The following SCN10A variants were observed in gnomAD, a reference collection of about 807,000 sequenced individuals.
The protein encoded by SCN10A is sodium voltage-gated channel alpha subunit 10, also known as sodium channel protein type 10 subunit alpha.
A neutral mutation model predicts 170.7 loss-of-function variants in SCN10A; 162 were observed. The ratio of observed to expected loss-of-function variants is 0.95; its 90% confidence interval spans 0.84 to 1.08. The LOEUF (loss-of-function observed/expected upper bound fraction) is 1.08. SCN10A is among the 50% of genes least tolerant of loss of function. The pLI is 0.00. For synonymous variants in SCN10A, 985 were observed against 904.6 expected, an observed-to-expected ratio of 1.09 and a Z score of -1.59; for missense variants, 2,527 against 2,436.9, an observed-to-expected ratio of 1.04 and a Z score of -0.78.
intron 12 of SCN10A, 73 bp downstream of exon 12, chr3:38,752,146 T>A: frequency 1.5e-6 from 2 of 1,341,610 alleles, no homozygotes; most frequent in Non-Finnish European, 2.0e-6. Context: ...CCATTGGTGA[T>A]ACTCAGGCTT....
chr3:38,758,616 C>T (rs2063835207), intron 8 of SCN10A, among the ~76,000 whole-genome samples: 1 of 152,220 alleles, frequency 6.6e-6, no homozygotes, highest in Non-Finnish European at 1.5e-5. Flanking sequence ...CCCACAGTGC[C>T]ATTGGCCAAT....
chr3:38,703,025 C>G (rs1575924578), intron 26 of SCN10A, among the ~76,000 whole-genome samples: 1 of 152,244 alleles, frequency 6.6e-6, no homozygotes, highest in East Asian at 1.9e-4. Context: ...ACATATCTCC[C>G]CCTATTCAAA....
chr3:38,781,763 A>G (rs2064141987), intron 4 of SCN10A, among the ~76,000 whole-genome samples: 2 of 152,092 alleles, frequency 1.3e-5, no homozygotes, highest in Admixed American at 6.6e-5. Flanking sequence ...CCTAGTTATA[A>G]TGATTTAATA....
rs1483080379 is a variant in SCN10A at position 38,752,357 on chromosome 3, C to G, written c.1617G>C (p.Leu539=). The G allele has an allele frequency of 6.2e-7, 1 of 1,613,896 alleles. No homozygotes were observed. Among genetic ancestry groups the G allele is most frequent in the African/African-American group, 1.3e-5 (1 of 75,044 alleles). ...GGCCTTGCTGGCCAGCACCCCCACC[C>G]AGCAGCAGAGAGCCCCGATGGCTTT... ...DHESHRGSLL[L]GGGAGQQGPL... The change falls in exon 12 of 28, where the codon CTG becomes CTC. Residue 539 remains leucine (L), a synonymous_variant. Coordinates refer to ENST00000449082, the MANE Select transcript of SCN10A (RefSeq NM_006514.4).
chr3:38,793,712 G>C (rs915898509), intron 2 of SCN10A, 29 bp downstream of exon 2: 8 of 1,600,602 alleles, frequency 5.0e-6, no homozygotes, highest in Non-Finnish European at 6.0e-6. Flanking sequence ...CAAGAGCTGA[G>C]AGCAGACATT....
chr3:38,782,046 G>T (rs1411339759), intron 4 of SCN10A, among the ~76,000 whole-genome samples: 2 of 151,864 alleles, frequency 1.3e-5, no homozygotes, highest in East Asian at 3.9e-4. Flanking sequence ...ATTTCCATTT[G>T]GTGATTCCTT....
chr3:38,814,895 A>C (rs1172406252), intron 1 of SCN10A, among the ~76,000 whole-genome samples: 1 of 152,252 alleles, frequency 6.6e-6, no homozygotes, highest in Non-Finnish European at 1.5e-5. Context: ...ATGTGGCTAG[A>C]AAGCCCAACC....
chr3:38,752,044 A>ATC (rs150686487), intron 12 of SCN10A, among the ~76,000 whole-genome samples, 175 bp downstream of exon 12: 4 of 151,300 alleles, frequency 2.6e-5, no homozygotes, highest in South Asian at 2.1e-4. Flanking sequence ...GGCCAACTCA[A>ATC]TCTCTCTCTC....
intron 4 of SCN10A, among the ~76,000 whole-genome samples, chr3:38,786,387 C>T (rs991506862): frequency 6.6e-6 from 1 of 151,956 alleles, no homozygotes; most frequent in African/African-American, 2.4e-5. Flanking sequence ...AACAGAAAAC[C>T]AAACACCGCA....
chr3:38,768,081 T>A (rs2063953274), intron 5 of SCN10A, among the ~76,000 whole-genome samples: 1 of 152,156 alleles, frequency 6.6e-6, no homozygotes, highest in African/African-American at 2.4e-5. Context: ...TGGTTTCCAT[T>A]TGCATGGAAT....
At chr3:38,741,484 A>G (rs1575985998) in intron 14 of SCN10A, among the ~76,000 whole-genome samples, 1 of 152,212 alleles carries the variant, frequency 6.6e-6, no homozygotes, top group Non-Finnish European at 1.5e-5. Context: ...GGGAAAGGGA[A>G]TAACAAGAGT....
chr3:38,813,401 G>A (rs72869633), intron 1 of SCN10A, among the ~76,000 whole-genome samples: 3,672 of 152,192 alleles, frequency 0.024, 114 homozygotes, highest in African/African-American at 0.079. Flanking sequence ...GAAACTCCGC[G>A]TCTCAGTTTC....
At chr3:38,798,534 T>C (rs993659799) in intron 1 of SCN10A, among the ~76,000 whole-genome samples, 1 of 152,176 alleles carries the variant, frequency 6.6e-6, no homozygotes, top group Non-Finnish European at 1.5e-5. Context: ...CCATATCAAA[T>C]GTATGTGTTA....
In SCN10A at chr3:38,697,105, A is replaced by G; in HGVS notation, c.*244T>C. 4 of 556,218 alleles carry G rather than the reference A, an allele frequency of 7.2e-6. No individual in the cohort carries two copies. The highest frequency in any genetic ancestry group is 1.3e-5 in the Non-Finnish European group (4 of 316,298). 34.5% of individuals were successfully genotyped at this position (556,218 alleles called of 1,614,324 possible). On this transcript the variant is annotated 3_prime_UTR_variant, in exon 28 of 28. Transcript: ENST00000449082. ...TATTTTCTGGAGAGTAAGAGAACCCATGATCTGATATTGAAATTCAGAAGG... is the reference window on the plus strand; with the variant it reads ...TATTTTCTGGAGAGTAAGAGAACCCGTGATCTGATATTGAAATTCAGAAGG...
At chr3:38,811,710 T>A (rs1451980702) in intron 1 of SCN10A, among the ~76,000 whole-genome samples, 2 of 152,162 alleles carry the variant, frequency 1.3e-5, no homozygotes, top group South Asian at 2.1e-4. Flanking sequence ...AGGTAATGGA[T>A]CTTGCCTGGG....
chr3:38,722,781 C>A (rs759831926), intron 19 of SCN10A, among the ~76,000 whole-genome samples: 1 of 152,168 alleles, frequency 6.6e-6, no homozygotes, highest in Non-Finnish European at 1.5e-5. Flanking sequence ...CTGAGGGCCA[C>A]GACGTGGCTG....
chr3:38,753,763 A>T (rs76542202), intron 11 of SCN10A, among the ~76,000 whole-genome samples: 2,187 of 152,354 alleles, frequency 0.014, 69 homozygotes, highest in East Asian at 0.089. Context: ...TTTTGGTTGC[A>T]TATTTGACAG....
chr3:38,813,267 G>A (rs1445170503), intron 1 of SCN10A, among the ~76,000 whole-genome samples: 1 of 152,148 alleles, frequency 6.6e-6, no homozygotes, highest in Non-Finnish European at 1.5e-5. Flanking sequence ...CCTCCCTACA[G>A]AGTATGAACA....
At chr3:38,751,103 G>A (rs2063742491) in intron 12 of SCN10A, among the ~76,000 whole-genome samples, 1 of 152,184 alleles carries the variant, frequency 6.6e-6, no homozygotes, top group Admixed American at 6.5e-5. Flanking sequence ...GACATTCAAG[G>A]ATAGAAGGAG....
Sources: gnomAD v4.1 joint callset for allele counts (sites outside exome capture counted in the v4.1 genomes callset) on GRCh38, gnomAD v4.1.1 for gene constraint, MANE v1.5 for transcripts, NCBI Gene and HGNC (gene_info 2026-07-23, HGNC 2026-07-21) for gene names.